Variants in DCC observed in about 807,000 individuals in gnomAD.
DCC encodes netrin receptor DCC.
Under a neutral mutation model 172.5 loss-of-function variants are expected in DCC, and 58 were observed. The observed-to-expected ratio is 0.34, with a 90% confidence interval of 0.27 to 0.42. DCC has a LOEUF of 0.42. Among genes scored for constraint, DCC ranks in the 10% least tolerant of loss-of-function variants. The probability of loss-of-function intolerance (pLI) is 1.00; values close to 1 mark genes in which losing one functional copy is unlikely to be tolerated. For synonymous variants in DCC, 709 were observed against 644.5 expected (o/e 1.10, Z -1.52); for missense variants, 1,740 against 1,791.0 (o/e 0.97, Z 0.51).
At chr18:53,046,405 T>C (rs1055839761) in intron 5 of DCC, among the ~76,000 whole-genome samples, 3 of 151,864 alleles carry the variant, frequency 2.0e-5, no homozygotes, top group Non-Finnish European at 4.4e-5. Flanking sequence ...ATCAACCTTA[T>C]GTGAATTGTT....
intron 1 of DCC, among the ~76,000 whole-genome samples, chr18:52,540,015 A>G (rs913085156): frequency 2.0e-5 from 3 of 152,162 alleles, no homozygotes; most frequent in African/African-American, 7.2e-5. Context: ...TGGTTGTGCC[A>G]TGTGATGTTC....
intron 1 of DCC, among the ~76,000 whole-genome samples, chr18:52,425,916 A>G (rs1287682364): frequency 6.6e-6 from 1 of 152,154 alleles, no homozygotes; most frequent in Non-Finnish European, 1.5e-5. Flanking sequence ...CATTACAGTC[A>G]ATAAATATAA....
At chr18:53,338,075 A>T (rs1168417393) in intron 14 of DCC, among the ~76,000 whole-genome samples, 2 of 152,236 alleles carry the variant, frequency 1.3e-5, no homozygotes, top group Non-Finnish European at 2.9e-5. Context: ...ATTCTTTCTT[A>T]CATATCTTTG....
chr18:52,860,705 A>C (rs2145360427), intron 2 of DCC, among the ~76,000 whole-genome samples: 1 of 152,348 alleles, frequency 6.6e-6, no homozygotes, highest in Admixed American at 6.5e-5. Context: ...GTTCTTTAAA[A>C]GTTGGCTTTG....
At chr18:52,990,453 T>C (rs575594603) in intron 5 of DCC, among the ~76,000 whole-genome samples, 1 of 146,538 alleles carries the variant, frequency 6.8e-6, no homozygotes, top group African/African-American at 2.5e-5. Context: ...GGCAGGAGAA[T>C]TGCTTGTACC....
intron 13 of DCC, among the ~76,000 whole-genome samples, chr18:53,315,211 G>T (rs145792166): frequency 8.7e-4 from 132 of 152,252 alleles, no homozygotes; most frequent in African/African-American, 2.6e-3. Context: ...AGAACATGTG[G>T]TGTTTGGTTT....
At chr18:53,517,901 T>C (rs1210823164) in intron 27 of DCC, among the ~76,000 whole-genome samples, 5 of 152,138 alleles carry the variant, frequency 3.3e-5, no homozygotes, top group African/African-American at 7.2e-5. Flanking sequence ...CCTGAGGCTA[T>C]TGTGTCTGAG....
At chr18:53,128,631 T>C (rs1342927372) in intron 7 of DCC, among the ~76,000 whole-genome samples, 2 of 151,928 alleles carry the variant, frequency 1.3e-5, no homozygotes, top group African/African-American at 2.4e-5. Context: ...AATAGTTTTA[T>C]TGTTATTAAA....
At chr18:53,270,715 TA>T (rs1479432956) in intron 12 of DCC, among the ~76,000 whole-genome samples, 1 of 152,168 alleles carries the variant, frequency 6.6e-6, no homozygotes, top group Non-Finnish European at 1.5e-5. Flanking sequence ...GTTATCTTTT[TA>T]AAATTATGTT....
At chr18:52,434,901 A>G (rs896547034) in intron 1 of DCC, among the ~76,000 whole-genome samples, 10 of 152,142 alleles carry the variant, frequency 6.6e-5, no homozygotes, top group Admixed American at 2.0e-4. Context: ...TATTCCTCAT[A>G]CCAGTAAATC....
In DCC at chr18:52,348,093, T is replaced by C. The variant is rs138307391; in HGVS notation, c.91+7215T>C. On this transcript the variant is annotated intron_variant, in intron 1 of 28. Coordinates refer to ENST00000442544, the MANE Select transcript of DCC (RefSeq NM_005215.4). ...AATAAAATAAATATAATGTGTATAT[T>C]CTCTGACTTGCAATTTTGCTGAACG... Among the ~76,000 whole-genome samples, 265 of 152,294 alleles carry C rather than the reference T, an allele frequency of 1.7e-3. 1 individual carries two copies. Among genetic ancestry groups the C allele is most frequent in the Non-Finnish European group, 2.9e-3 (198 of 68,016 alleles).
intron 5 of DCC, among the ~76,000 whole-genome samples, chr18:53,043,389 C>T (rs61566053): frequency 0.039 from 5,961 of 151,882 alleles, 366 homozygotes; most frequent in African/African-American, 0.13. Flanking sequence ...GTGCAGCAAA[C>T]CACCATGGCA....
At chr18:52,910,759 A>C (rs1320340458) in intron 3 of DCC, among the ~76,000 whole-genome samples, 1 of 152,144 alleles carries the variant, frequency 6.6e-6, no homozygotes, top group African/African-American at 2.4e-5. Flanking sequence ...GAATTGATCA[A>C]TTGGTAATTC....
At chr18:53,189,615 C>T (rs183336126) in intron 9 of DCC, among the ~76,000 whole-genome samples, 125 of 152,276 alleles carry the variant, frequency 8.2e-4, no homozygotes. Flanking sequence ...TTGGTATTAA[C>T]AGACATCCCT....
chr18:53,223,790 A>G (rs1402902427), intron 12 of DCC, among the ~76,000 whole-genome samples: 3 of 152,198 alleles, frequency 2.0e-5, no homozygotes, highest in Admixed American at 6.5e-5. Context: ...AAATGCAAGC[A>G]CTTTATTGAA....
At chr18:52,791,171 T>C (rs149171949) in intron 2 of DCC, among the ~76,000 whole-genome samples, 59 of 152,292 alleles carry the variant, frequency 3.9e-4, no homozygotes, top group African/African-American at 1.4e-3. Flanking sequence ...TGGGGAATTC[T>C]CTCTGTGCCT....
chr18:52,942,400 A>G (rs2040477854), intron 5 of DCC, among the ~76,000 whole-genome samples: 1 of 152,150 alleles, frequency 6.6e-6, no homozygotes, highest in Admixed American at 6.5e-5. Flanking sequence ...ACTATTTAGT[A>G]TGGAAAGACT....
At chr18:52,388,879 C>A (rs1055969311) in intron 1 of DCC, among the ~76,000 whole-genome samples, 1 of 152,104 alleles carries the variant, frequency 6.6e-6, no homozygotes, top group African/African-American at 2.4e-5. Context: ...AGCTCAAGTG[C>A]ATTTGAGATA....
At chr18:52,610,851 TA>T (rs67585597) in intron 1 of DCC, among the ~76,000 whole-genome samples, 32,374 of 151,966 alleles carry the variant, frequency 0.21, 3,568 homozygotes, top group South Asian at 0.28. Context: ...TTTACAAATG[TA>T]AAAAAACATT....
Sources: gnomAD v4.1 joint callset for allele counts (sites outside exome capture counted in the v4.1 genomes callset) on GRCh38, gnomAD v4.1.1 for gene constraint, MANE v1.5 for transcripts, NCBI Gene and HGNC (gene_info 2026-07-23, HGNC 2026-07-21) for gene names.